Variants in HMGN5 observed in about 807,000 individuals in gnomAD.
HMGN5 encodes the protein high mobility group nucleosome binding domain 5, also known as high mobility group nucleosome-binding domain-containing protein 5.
In HMGN5, 4 loss-of-function variants were observed where a neutral mutation model predicts 9.5. That is an observed-to-expected ratio of 0.42 (90% CI 0.21 to 0.96). HMGN5 has a LOEUF of 0.96. HMGN5 is among the 40% of genes least tolerant of loss of function. HMGN5 has a pLI of 0.30. For missense variants in HMGN5, 192 were observed against 187.5 expected (o/e 1.02, Z -0.14); for synonymous variants, 55 against 57.1 (o/e 0.96, Z 0.16).
chrX:81,199,632 A>T (rs1285921353), intron 1 of HMGN5, among the ~76,000 whole-genome samples: 1 of 112,298 alleles, frequency 8.9e-6, no homozygotes, highest in Non-Finnish European at 1.9e-5. Flanking sequence ...TGGGGAAAGG[A>T]TTCCCTATTT....
intron 1 of HMGN5, among the ~76,000 whole-genome samples, chrX:81,161,875 T>C (rs1399871059): frequency 9.1e-6 from 1 of 109,487 alleles, no homozygotes; most frequent in Admixed American, 9.6e-5. Flanking sequence ...AAAGGAAATA[T>C]ACGAGCTAAA....
chrX:81,128,909 T>G (rs1481833367), intron 1 of HMGN5, among the ~76,000 whole-genome samples: 1 of 111,971 alleles, frequency 8.9e-6, no homozygotes, highest in Non-Finnish European at 1.9e-5. Context: ...CTTACTCAAG[T>G]CTTCGTTTCT....
At chrX:81,172,325 T>C (rs2075428298) in intron 1 of HMGN5, among the ~76,000 whole-genome samples, 1 of 111,207 alleles carries the variant, frequency 9.0e-6, no homozygotes, top group African/African-American at 3.2e-5. Flanking sequence ...AGCTGGGTAT[T>C]AGATGTTATT....
chrX:81,154,638 G>C (rs2075377870), intron 1 of HMGN5, among the ~76,000 whole-genome samples: 1 of 110,332 alleles, frequency 9.1e-6, no homozygotes, highest in African/African-American at 3.3e-5. Flanking sequence ...TTCATAACCA[G>C]AATATATAAG....
rs1363382956 is a variant in HMGN5 at position 81,169,335 on chromosome X, GAT to G, written c.-124+32400_-124+32401del. Among the ~76,000 whole-genome samples the G allele has an allele frequency of 1.9e-4, 21 of 111,358 alleles. No homozygotes were observed. The Admixed American group carries it at 2.0e-3, about 11-fold the overall frequency. Reference sequence around the variant, plus strand: ...TTGGAAGAGCCAATTCATGAGTGAAGATATAGACTGTAACATGTACTATAAAG... The same window carrying G: ...TTGGAAGAGCCAATTCATGAGTGAAGATAGACTGTAACATGTACTATAAAG... On this transcript the variant is annotated intron_variant, in intron 1 of 6. Coordinates refer to ENST00000358130, the MANE Select transcript of HMGN5 (RefSeq NM_030763.3).
At position 81,116,318 on chromosome X, in the gene HMGN5, C is replaced by T; in HGVS notation, c.153G>A (p.Met51Ile). ...CACTTGTATCTATGTTTTCTTCCATCATATCACTTTTTGTCTTCATTTTCT... is the reference window on the plus strand; with the variant it reads ...CACTTGTATCTATGTTTTCTTCCATTATATCACTTTTTGTCTTCATTTTCT... Reference protein sequence around the residue: ...SSRKMKTKSDMMEENIDTSAQ... With the variant: ...SSRKMKTKSDIMEENIDTSAQ... The change falls in exon 6 of 7, where the codon ATG (methionine) becomes ATA (isoleucine). Residue 51 changes from methionine to isoleucine, a missense_variant. Physicochemically the swap from Met to Ile is conservative, Grantham distance 10. Coordinates refer to ENST00000358130, the MANE Select transcript of HMGN5 (RefSeq NM_030763.3). The T allele has an allele frequency of 3.4e-6, 4 of 1,192,033 alleles. No homozygotes were observed. Among genetic ancestry groups the T allele is most frequent in the Non-Finnish European group, 2.3e-6 (2 of 880,362 alleles).
chrX:81,152,017 G>A (rs1368246206), intron 1 of HMGN5, among the ~76,000 whole-genome samples: 4 of 111,697 alleles, frequency 3.6e-5, no homozygotes, highest in Admixed American at 1.9e-4. Context: ...AGACTTAAAC[G>A]TTAGACCTAA....
At chrX:81,143,786 C>T (rs772625319) in intron 1 of HMGN5, among the ~76,000 whole-genome samples, 1 of 112,139 alleles carries the variant, frequency 8.9e-6, no homozygotes, top group East Asian at 2.8e-4. Flanking sequence ...GTCTGAAATC[C>T]ACCTGGGATG....
chrX:81,140,983 A>G (rs1318346581), intron 1 of HMGN5, among the ~76,000 whole-genome samples: 3 of 111,243 alleles, frequency 2.7e-5, no homozygotes, highest in African/African-American at 9.8e-5. Context: ...AGCTGACTGA[A>G]GAGCCCGTGG....
chrX:81,185,250 G>A (rs1183532790), intron 1 of HMGN5, among the ~76,000 whole-genome samples: 1 of 111,765 alleles, frequency 8.9e-6, no homozygotes. Context: ...ATTCATGATT[G>A]TGGAATACCT....
chrX:81,157,517 A>G (rs992694808), intron 1 of HMGN5, among the ~76,000 whole-genome samples: 2 of 111,357 alleles, frequency 1.8e-5, no homozygotes, highest in African/African-American at 6.6e-5. Context: ...TCCATAGCAC[A>G]TCTTTTCCAA....
At chrX:81,199,008 C>G (rs2075517209) in intron 1 of HMGN5, among the ~76,000 whole-genome samples, 1 of 112,026 alleles carries the variant, frequency 8.9e-6, no homozygotes, top group Non-Finnish European at 1.9e-5. Context: ...TCTCCTTAAG[C>G]TGATAAGCAA....
chrX:81,190,574 T>C (rs1289629953), intron 1 of HMGN5, among the ~76,000 whole-genome samples: 2 of 111,710 alleles, frequency 1.8e-5, no homozygotes, highest in Admixed American at 9.6e-5. Context: ...TTGTTAATTT[T>C]AATGATGTTA....
At chrX:81,175,223 G>A (rs945283765) in intron 1 of HMGN5, among the ~76,000 whole-genome samples, 2 of 111,824 alleles carry the variant, frequency 1.8e-5, no homozygotes, top group Non-Finnish European at 3.8e-5. Context: ...ACTCAAACTG[G>A]TGTCCCTCAG....
At chrX:81,133,156 C>CCATGTCA (rs1381998659) in intron 1 of HMGN5, among the ~76,000 whole-genome samples, 2 of 110,524 alleles carry the variant, frequency 1.8e-5, no homozygotes, top group Non-Finnish European at 3.8e-5. Flanking sequence ...CAATGAGATA[C>CCATGTCA]CATGTCACAC....
At chrX:81,140,273 A>G (rs1390078346) in intron 1 of HMGN5, among the ~76,000 whole-genome samples, 1 of 111,177 alleles carries the variant, frequency 9.0e-6, no homozygotes, top group African/African-American at 3.3e-5. Context: ...AAAAGGAAGG[A>G]CTCAGGGCCG....
rs750859518 is a variant in HMGN5, at chrX:81,194,020, G to A, written c.-124+7717C>T. ...ATACAGACACCAGAAACAGACTCAC[G>A]CATGTATAATCATTTGATTTTTGAC... On this transcript the variant is annotated intron_variant, in intron 1 of 6. Transcript: ENST00000358130. 3.6e-5 allele frequency among the ~76,000 whole-genome samples: 4 copies of A among 111,515 alleles called. No homozygotes were observed. In the South Asian group the frequency reaches 1.1e-3, roughly 31 times the overall value.
At chrX:81,146,571 C>T (rs1393393244) in intron 1 of HMGN5, among the ~76,000 whole-genome samples, 2 of 111,861 alleles carry the variant, frequency 1.8e-5, no homozygotes, top group Non-Finnish European at 3.8e-5. Flanking sequence ...AACACCCTAA[C>T]ATCACAACTA....
At chrX:81,121,414 C>T (rs1245946832) in intron 2 of HMGN5, 121 bp downstream of exon 2, 12 of 705,379 alleles carry the variant, frequency 1.7e-5, no homozygotes, top group Non-Finnish European at 2.7e-5. Context: ...CGTTTCATTA[C>T]ATCACAAAAT....
Sources: gnomAD v4.1 joint callset for allele counts (sites outside exome capture counted in the v4.1 genomes callset) on GRCh38, gnomAD v4.1.1 for gene constraint, MANE v1.5 for transcripts, NCBI Gene and HGNC (gene_info 2026-07-23, HGNC 2026-07-21) for gene names.